Variants in ARHGAP10 observed in about 807,000 individuals in gnomAD.
ARHGAP10 encodes Rho GTPase activating protein 10.
ARHGAP10 carries 87 observed loss-of-function variants against 108.6 expected under a neutral mutation model. The ratio of observed to expected loss-of-function variants is 0.80; its 90% CI spans 0.67 to 0.96. The LOEUF (loss-of-function observed/expected upper bound fraction) is 0.96, where lower values mean the gene tolerates loss of function less well. Among genes scored for constraint, ARHGAP10 ranks in the 40% least tolerant of loss-of-function variants. The pLI is 0.00. For missense variants in ARHGAP10, 939 were observed against 954.5 expected (o/e 0.98, Z 0.21); for synonymous variants, 347 against 341.1 (o/e 1.02, Z -0.19).
At chr4:147,817,978 C>A (rs1465858529) in intron 1 of ARHGAP10, among the ~76,000 whole-genome samples, 1 of 152,028 alleles carries the variant, frequency 6.6e-6, no homozygotes, top group Non-Finnish European at 1.5e-5. Flanking sequence ...GGCAAAAGGA[C>A]CTGGGAATAA....
intron 20 of ARHGAP10, among the ~76,000 whole-genome samples, chr4:148,061,957 G>T (rs1333512730): frequency 6.6e-6 from 1 of 152,140 alleles, no homozygotes; most frequent in Non-Finnish European, 1.5e-5. Context: ...GGGGAGTATT[G>T]GGGGAGGTGG....
intron 1 of ARHGAP10, among the ~76,000 whole-genome samples, chr4:147,800,109 C>T (rs1471261230): frequency 2.0e-5 from 3 of 152,140 alleles, no homozygotes; most frequent in African/African-American, 4.8e-5. Context: ...CGTCTCATTT[C>T]CCCCTGCTGT....
intron 10 of ARHGAP10, among the ~76,000 whole-genome samples, chr4:147,894,165 GTA>G (rs1735900892): frequency 6.6e-6 from 1 of 152,078 alleles, no homozygotes; most frequent in African/African-American, 2.4e-5. Flanking sequence ...CTGGGGTATG[GTA>G]TATGTATGTT....
intron 3 of ARHGAP10, among the ~76,000 whole-genome samples, chr4:147,830,639 C>A (rs1732920549): frequency 6.6e-6 from 1 of 150,858 alleles, no homozygotes; most frequent in African/African-American, 2.5e-5. Context: ...CCTGCTTCAG[C>A]CTCTTGAGCA....
intron 13 of ARHGAP10, among the ~76,000 whole-genome samples, chr4:147,924,831 G>T (rs1306209315): frequency 6.6e-6 from 1 of 152,196 alleles, no homozygotes; most frequent in Non-Finnish European, 1.5e-5. Context: ...AACTAAAAGA[G>T]AATGCTTAGG....
intron 13 of ARHGAP10, among the ~76,000 whole-genome samples, chr4:147,936,741 C>T (rs888447494): frequency 2.0e-5 from 3 of 152,184 alleles, no homozygotes; most frequent in Non-Finnish European, 4.4e-5. Context: ...AGCCTTTGCT[C>T]TTCTGGTTCT....
intron 10 of ARHGAP10, among the ~76,000 whole-genome samples, chr4:147,889,560 A>G (rs1164830924): frequency 6.6e-6 from 1 of 152,218 alleles, no homozygotes; most frequent in Non-Finnish European, 1.5e-5. Flanking sequence ...TCTGCCTCCC[A>G]AAGTGCTGGG....
chr4:148,068,183 G>T lies in ARHGAP10; in HGVS notation c.2272+3676G>T, dbSNP rs184354365. Reference sequence around the variant, plus strand: ...TAGATGGGCAGTGGTTGCCTCCTCAGGGGCAGGGTTGGGAGGGGTGCTGAG... The same window carrying T: ...TAGATGGGCAGTGGTTGCCTCCTCATGGGCAGGGTTGGGAGGGGTGCTGAG... On this transcript the variant is annotated intron_variant, in intron 22 of 22. Coordinates refer to ENST00000336498, the MANE Select transcript of ARHGAP10 (RefSeq NM_024605.4). Among the ~76,000 whole-genome samples the T allele has an allele frequency of 8.5e-5, 13 of 152,314 alleles. No homozygotes were observed. In the East Asian group the frequency reaches 2.5e-3, roughly 29 times the overall value.
intron 1 of ARHGAP10, among the ~76,000 whole-genome samples, chr4:147,801,180 G>C (rs192865845): frequency 6.6e-6 from 1 of 152,144 alleles, no homozygotes; most frequent in Admixed American, 6.6e-5. Flanking sequence ...ATTTTTCTAC[G>C]TTCAGTAAAA....
intron 18 of ARHGAP10, among the ~76,000 whole-genome samples, chr4:147,971,732 G>C (rs1229137564): frequency 2.6e-5 from 4 of 152,136 alleles, no homozygotes; most frequent in Non-Finnish European, 5.9e-5. Flanking sequence ...TGAGAATGCC[G>C]CTTTAGGACT....
At chr4:147,763,746 C>CT (rs35774782) in intron 1 of ARHGAP10, among the ~76,000 whole-genome samples, 62,289 of 93,124 alleles carry the variant, frequency 0.67, 23,780 homozygotes, top group Non-Finnish European at 0.85. Context: ...ATGGTGATTC[C>CT]TTTTTTTTTT....
chr4:148,012,283 G>A (rs188805844), intron 18 of ARHGAP10, among the ~76,000 whole-genome samples: 1 of 152,184 alleles, frequency 6.6e-6, no homozygotes, highest in Non-Finnish European at 1.5e-5. Context: ...TTGAGACATG[G>A]CTGCTATGTC....
At chr4:147,807,543 A>G (rs951940780) in intron 1 of ARHGAP10, among the ~76,000 whole-genome samples, 7 of 152,196 alleles carry the variant, frequency 4.6e-5, no homozygotes, top group Middle Eastern at 3.2e-3. Flanking sequence ...AAGTGACAGA[A>G]GGAATTGCCT....
chr4:147,779,150 C>T (rs1422312452), intron 1 of ARHGAP10, among the ~76,000 whole-genome samples: 1 of 152,058 alleles, frequency 6.6e-6, no homozygotes, highest in Non-Finnish European at 1.5e-5. Flanking sequence ...AGCAGGTTCC[C>T]AGGTGATGCT....
chr4:147,844,337 A>G (rs1733548442), intron 3 of ARHGAP10, among the ~76,000 whole-genome samples: 1 of 152,206 alleles, frequency 6.6e-6, no homozygotes, highest in African/African-American at 2.4e-5. Flanking sequence ...TTGTGTTACA[A>G]TCTAACTATA....
At chr4:147,738,844 G>C (rs1160529405) in intron 1 of ARHGAP10, among the ~76,000 whole-genome samples, 1 of 152,102 alleles carries the variant, frequency 6.6e-6, no homozygotes, top group East Asian at 1.9e-4. Context: ...ACCCTGGAAA[G>C]GCTTCCAAAT....
At chr4:147,991,917 C>A (rs1038173973) in intron 18 of ARHGAP10, among the ~76,000 whole-genome samples, 1 of 152,220 alleles carries the variant, frequency 6.6e-6, no homozygotes, top group Non-Finnish European at 1.5e-5. Flanking sequence ...ATAGCCTTTC[C>A]TCTTTTGCTT....
At chr4:147,873,499 A>AG (rs1286197944) in intron 7 of ARHGAP10, among the ~76,000 whole-genome samples, 2 of 151,776 alleles carry the variant, frequency 1.3e-5, no homozygotes, top group Non-Finnish European at 1.5e-5. Context: ...ATGACCAAGG[A>AG]GGGGAATAAA....
At chr4:147,823,674 T>C (rs1035423366) in intron 3 of ARHGAP10, among the ~76,000 whole-genome samples, 1 of 152,090 alleles carries the variant, frequency 6.6e-6, no homozygotes, top group Non-Finnish European at 1.5e-5. Flanking sequence ...GAAGGATCAC[T>C]TGTGCCCAGG....
Sources: allele counts gnomAD v4.1 joint callset (sites outside exome capture counted in the v4.1 genomes callset), GRCh38; gene constraint gnomAD v4.1.1; transcripts MANE v1.5; gene names NCBI Gene and HGNC (gene_info 2026-07-23, HGNC 2026-07-21).